Variants in TTC28 observed in about 807,000 individuals in gnomAD.
TTC28 encodes the protein tetratricopeptide repeat domain 28, also known as tetratricopeptide repeat protein 28.
Under a neutral mutation model 198.0 loss-of-function variants are expected in TTC28, and 61 were observed. That is an observed-to-expected ratio of 0.31 (90% CI 0.25 to 0.38). TTC28 has a LOEUF of 0.38. Ranked by LOEUF, TTC28 falls within the 10% of genes least tolerant of loss-of-function variation. The pLI, the probability that TTC28 is intolerant of heterozygous loss-of-function variation, is 1.00. For missense variants in TTC28, 2,678 were observed against 3,164.0 expected (o/e 0.85, Z 3.69); for synonymous variants, 1,171 against 1,297.8 (o/e 0.90, Z 2.10).
At chr22:27,991,733 C>G (rs536967297) in intron 19 of TTC28, among the ~76,000 whole-genome samples, 1 of 152,358 alleles carries the variant, frequency 6.6e-6, no homozygotes, top group Non-Finnish European at 1.5e-5. Context: ...CCCCCAGGGG[C>G]TTGGTCCAGA....
chr22:28,427,630 G>A (rs1344572008), intron 2 of TTC28, among the ~76,000 whole-genome samples: 1 of 152,180 alleles, frequency 6.6e-6, no homozygotes, highest in Non-Finnish European at 1.5e-5. Context: ...TCTAGCCTGG[G>A]CGACAAGAAT....
intron 2 of TTC28, among the ~76,000 whole-genome samples, chr22:28,527,144 G>C (rs1272091850): frequency 3.3e-5 from 5 of 152,266 alleles, no homozygotes; most frequent in Middle Eastern, 3.4e-3. Flanking sequence ...CAAGTGCTGA[G>C]AACATATAGT....
chr22:28,163,251 T>C lies in TTC28; in HGVS notation c.1282A>G (p.Met428Val). 6.4e-7 allele frequency: 1 copy of C among 1,551,810 alleles called. No homozygotes were observed. The highest frequency in any genetic ancestry group is 1.7e-4 in the Middle Eastern group (1 of 5,992). The part of the protein sequence containing the change: ...NYVLELAQEL[M>V]EKAIEMRAYA... ...GCCCGCATCTCAATAGCCTTCTCCA[T>C]CAACTCCTGTGCCAGCTCCAGGACA... Residue 428 changes from methionine (M) to valine (V), a missense_variant, in exon 6 of 23, where the codon ATG (methionine) becomes GTG (valine). Transcript: ENST00000397906.
At chr22:28,243,895 T>C (rs186246767) in intron 5 of TTC28, among the ~76,000 whole-genome samples, 26 of 152,288 alleles carry the variant, frequency 1.7e-4, no homozygotes, top group African/African-American at 5.8e-4. Context: ...ACACTTACTA[T>C]GTGGTAAGCA....
intron 6 of TTC28, among the ~76,000 whole-genome samples, chr22:28,162,319 A>C (rs1393199994): frequency 6.6e-6 from 1 of 152,246 alleles, no homozygotes; most frequent in African/African-American, 2.4e-5. Flanking sequence ...AAAACTATTA[A>C]TATTATTTTT....
intron 2 of TTC28, among the ~76,000 whole-genome samples, chr22:28,535,448 A>G (rs1370677989): frequency 6.6e-6 from 1 of 152,196 alleles, no homozygotes; most frequent in African/African-American, 2.4e-5. Context: ...GAGATTACAT[A>G]GTATACTTTT....
chr22:27,992,924 C>A, intron 18 of TTC28: 1 of 565,108 alleles, frequency 1.8e-6, no homozygotes, highest in Non-Finnish European at 3.1e-6. Flanking sequence ...GGCAGCACCA[C>A]CCCTAGTCAA....
chr22:28,366,060 G>A (rs1258297030), intron 2 of TTC28, among the ~76,000 whole-genome samples: 1 of 152,114 alleles, frequency 6.6e-6, no homozygotes, highest in African/African-American at 2.4e-5. Context: ...CTACAATTTG[G>A]CAGCGGTTAG....
intron 2 of TTC28, among the ~76,000 whole-genome samples, chr22:28,573,841 C>T (rs1213381725): frequency 2.6e-5 from 4 of 151,594 alleles, no homozygotes. Flanking sequence ...TCCCACTTCC[C>T]CCCACCCCCA....
intron 5 of TTC28, among the ~76,000 whole-genome samples, chr22:28,271,613 T>TG (rs1932080484): frequency 6.6e-6 from 1 of 151,744 alleles, no homozygotes; most frequent in African/African-American, 2.4e-5. Context: ...CGAGATCTGG[T>TG]GGTTTTTTTT....
At chr22:28,139,984 T>A (rs1943291694) in intron 6 of TTC28, among the ~76,000 whole-genome samples, 1 of 152,112 alleles carries the variant, frequency 6.6e-6, no homozygotes, top group Non-Finnish European at 1.5e-5. Context: ...GCTCCCATGA[T>A]GAGGAGGGTT....
At chr22:28,235,302 C>T (rs534831529) in intron 5 of TTC28, among the ~76,000 whole-genome samples, 10 of 152,314 alleles carry the variant, frequency 6.6e-5, no homozygotes, top group Middle Eastern at 3.4e-3. Flanking sequence ...TGATCTGTTG[C>T]CTTCCCTCAA....
intron 2 of TTC28, among the ~76,000 whole-genome samples, chr22:28,392,044 T>A (rs1165297584): frequency 1.3e-5 from 2 of 152,188 alleles, no homozygotes; most frequent in African/African-American, 4.8e-5. Flanking sequence ...TTCTGTTTGT[T>A]AGTTTTCCTT....
rs533302511 is a variant in TTC28, at chr22:28,609,483, G to A, written c.381+20069C>T. Among the ~76,000 whole-genome samples the A allele has an allele frequency of 2.1e-4, 32 of 152,256 alleles. No individual in the cohort carries two copies. The South Asian group carries it at 3.3e-3, about 16-fold the overall frequency. ...CTTACCCGGGAAGCACAAGGGGTCG[G>A]GGAATTCCCTGCCCTAGCCAAGAGA... On this transcript the variant is annotated intron_variant, in intron 2 of 22. Transcript: ENST00000397906.
At chr22:28,124,198 G>T (rs185698445) in intron 6 of TTC28, among the ~76,000 whole-genome samples, 6 of 138,164 alleles carry the variant, frequency 4.3e-5, no homozygotes, top group African/African-American at 1.6e-4. Flanking sequence ...TGTTGTTGTT[G>T]TTTGTTTTTT....
chr22:28,039,370 G>C (rs577915599), intron 12 of TTC28, among the ~76,000 whole-genome samples: 74 of 152,206 alleles, frequency 4.9e-4, no homozygotes, highest in African/African-American at 1.7e-3. Context: ...GTCCTTTGTA[G>C]GGACATGGAT....
chr22:28,426,721 C>A (rs1023726233), intron 2 of TTC28, among the ~76,000 whole-genome samples: 3 of 152,160 alleles, frequency 2.0e-5, no homozygotes, highest in South Asian at 2.1e-4. Context: ...AGAGACTCAA[C>A]GACCTTCCTT....
intron 2 of TTC28, among the ~76,000 whole-genome samples, chr22:28,309,192 T>G (rs2045205508): frequency 6.6e-6 from 1 of 152,196 alleles, no homozygotes. Flanking sequence ...AGAATCTTAA[T>G]AAGAACACAT....
At chr22:28,432,542 T>C (rs1275599236) in intron 2 of TTC28, among the ~76,000 whole-genome samples, 1 of 152,186 alleles carries the variant, frequency 6.6e-6, no homozygotes. Context: ...GGTTCTATAA[T>C]AGCCCAGTTC....
Sources: allele counts gnomAD v4.1 joint callset (sites outside exome capture counted in the v4.1 genomes callset), GRCh38; gene constraint gnomAD v4.1.1; transcripts MANE v1.5; gene names NCBI Gene and HGNC (gene_info 2026-07-23, HGNC 2026-07-21).